Variants in HHIP observed in about 807,000 individuals in gnomAD.
HHIP encodes the protein hedgehog interacting protein, also known as hedgehog-interacting protein.
HHIP carries 12 observed loss-of-function variants against 74.0 expected under a neutral mutation model. The observed-to-expected ratio is 0.16, with a 90% CI of 0.10 to 0.26. The LOEUF (loss-of-function observed/expected upper bound fraction) is 0.26. HHIP is among the 10% of genes least tolerant of loss of function. HHIP has a pLI of 1.00. For missense variants in HHIP, 788 were observed against 845.0 expected, an observed-to-expected ratio of 0.93 and a Z score of 0.84; for synonymous variants, 309 against 311.6, an observed-to-expected ratio of 0.99 and a Z score of 0.09.
At position 144,715,434 on chromosome 4, in the gene HHIP, C is replaced by T; in HGVS notation, c.1678+4C>T. On this transcript the variant is annotated splice_donor_region_variant and intron_variant, in intron 10 of 12. Transcript: ENST00000296575. The stretch of plus-strand genomic sequence containing the variant: ...GGATTTGGAGAAGATGAACTAGGTA[C>T]TGTACAATCTAGTTCTGTTAAGTTT... 1.2e-6 allele frequency: 2 copies of T among 1,612,020 alleles called. No individual in the cohort carries two copies. The highest frequency in any genetic ancestry group is 1.3e-5 in the African/African-American group (1 of 74,950).
intron 4 of HHIP, among the ~76,000 whole-genome samples, chr4:144,674,599 A>T (rs1487738303): frequency 1.3e-5 from 2 of 149,580 alleles, no homozygotes; most frequent in Non-Finnish European, 3.0e-5. Context: ...TGCTGGAGTT[A>T]AAAAAAAACG....
chr4:144,714,180 T>G (rs777541861), intron 8 of HHIP, 45 bp from the exon 9 acceptor site: 7 of 1,564,282 alleles, frequency 4.5e-6, no homozygotes, highest in Non-Finnish European at 6.2e-6. Flanking sequence ...CCTTTTACTT[T>G]ATGAAAATAT....
intron 12 of HHIP, 36 bp from the exon 13 acceptor site, chr4:144,737,728 T>C (rs760122999): frequency 1.9e-6 from 3 of 1,542,558 alleles, no homozygotes; most frequent in Admixed American, 3.6e-5. Flanking sequence ...ACATACAGAA[T>C]GAGAGTGTGA....
intron 4 of HHIP, among the ~76,000 whole-genome samples, chr4:144,699,021 A>C (rs1729901823): frequency 6.6e-6 from 1 of 152,106 alleles, no homozygotes; most frequent in African/African-American, 2.4e-5. Flanking sequence ...TCTCACACCC[A>C]CCAGTCCTCC....
At chr4:144,670,707 GA>G (rs199920533) in intron 4 of HHIP, among the ~76,000 whole-genome samples, 2,908 of 30,308 alleles carry the variant, frequency 0.096, 125 homozygotes, top group African/African-American at 0.2. Flanking sequence ...ATTTCTTTAA[GA>G]AAAAAAAAAA....
rs201542452 is a variant in HHIP at position 144,646,896 on chromosome 4, C to T, written c.221C>T (p.Pro74Leu). 1.2e-5 allele frequency: 20 copies of T among 1,614,052 alleles called. No homozygotes were observed. The highest frequency in any genetic ancestry group is 1.7e-4 in the Middle Eastern group (1 of 6,060). Residue 74 changes from proline (P) to leucine (L), a missense_variant, in exon 1 of 13, where the codon CCT (proline) becomes CTT (leucine). By Grantham distance (98) the Pro-to-Leu change is moderately conservative (BLOSUM62 -3). Transcript: ENST00000296575. ...GAGATGCTGTGCGGTGGCTTCTACC[C>T]TCGGCTGTCCTGCTGCCTGCGGAGT... ...GGEMLCGGFY[P>L]RLSCCLRSDS...
At chr4:144,666,435 G>A (rs766098745) in intron 4 of HHIP, among the ~76,000 whole-genome samples, 6 of 152,084 alleles carry the variant, frequency 3.9e-5, no homozygotes, top group Non-Finnish European at 5.9e-5. Flanking sequence ...CACTTTTTAA[G>A]TCCTTACTTT....
chr4:144,716,432 G>A (rs533674592), intron 10 of HHIP, among the ~76,000 whole-genome samples: 13 of 152,234 alleles, frequency 8.5e-5, no homozygotes, highest in African/African-American at 3.1e-4. Context: ...AGCACTGAAA[G>A]CAATTTAAAA....
chr4:144,690,691 G>T (rs1729631675), intron 4 of HHIP, among the ~76,000 whole-genome samples: 1 of 152,078 alleles, frequency 6.6e-6, no homozygotes, highest in African/African-American at 2.4e-5. Context: ...AAATTATTTG[G>T]GCCTATTTTA....
chr4:144,688,406 A>G (rs1729545594), intron 4 of HHIP, among the ~76,000 whole-genome samples: 1 of 151,832 alleles, frequency 6.6e-6, no homozygotes, highest in Non-Finnish European at 1.5e-5. Context: ...TTTTTTTTGA[A>G]GTCCCAGGCA....
At chr4:144,718,687 G>A (rs1445175820) in intron 10 of HHIP, among the ~76,000 whole-genome samples, 188 bp from the exon 11 acceptor site, 2 of 152,170 alleles carry the variant, frequency 1.3e-5, no homozygotes, top group Non-Finnish European at 2.9e-5. Context: ...ATGGAAAGGA[G>A]TGACTGGAAT....
At chr4:144,729,097 G>T (rs1306724932) in intron 11 of HHIP, among the ~76,000 whole-genome samples, 1 of 152,062 alleles carries the variant, frequency 6.6e-6, no homozygotes, top group East Asian at 1.9e-4. Context: ...GCACTAAAAT[G>T]ATTAATAAAA....
chr4:144,697,068 G>A (rs1162842501), intron 4 of HHIP, among the ~76,000 whole-genome samples: 1 of 151,886 alleles, frequency 6.6e-6, no homozygotes, highest in African/African-American at 2.4e-5. Context: ...TGTTCAACAA[G>A]TCTTAAGCCT....
intron 1 of HHIP, among the ~76,000 whole-genome samples, chr4:144,647,445 G>C (rs184988501): frequency 1.3e-5 from 2 of 152,304 alleles, no homozygotes; most frequent in South Asian, 2.1e-4. Flanking sequence ...CCCGTCAGAG[G>C]GGGGTGTCTT....
At chr4:144,721,805 A>G (rs1051455632) in intron 11 of HHIP, among the ~76,000 whole-genome samples, 4 of 150,916 alleles carry the variant, frequency 2.7e-5, no homozygotes, top group Non-Finnish European at 5.9e-5. Context: ...CAGTAGGCTG[A>G]GGCAGGAGAA....
chr4:144,734,403 C>G (rs1030306310), intron 11 of HHIP, among the ~76,000 whole-genome samples: 1 of 152,024 alleles, frequency 6.6e-6, no homozygotes, highest in Non-Finnish European at 1.5e-5. Flanking sequence ...GATATTTATA[C>G]TACTTTACTT....
chr4:144,666,932 G>A (rs1728880163), intron 4 of HHIP, among the ~76,000 whole-genome samples: 1 of 152,202 alleles, frequency 6.6e-6, no homozygotes, highest in Admixed American at 6.5e-5. Context: ...ACATAAATGT[G>A]AAGTGCTTTG....
intron 4 of HHIP, among the ~76,000 whole-genome samples, chr4:144,695,757 C>T (rs1413650424): frequency 6.6e-6 from 1 of 151,750 alleles, no homozygotes; most frequent in Non-Finnish European, 1.5e-5. Flanking sequence ...TACATCAAGC[C>T]TTACAAATCA....
chr4:144,661,364 C>T (rs941940546), intron 4 of HHIP: 1 of 152,296 alleles, frequency 6.6e-6, no homozygotes, highest in African/African-American at 2.4e-5. Context: ...ATTTGGACCT[C>T]CTTTTCCAGA....
Sources: gnomAD v4.1 joint callset for allele counts (sites outside exome capture counted in the v4.1 genomes callset) on GRCh38, gnomAD v4.1.1 for gene constraint, MANE v1.5 for transcripts, NCBI Gene and HGNC (gene_info 2026-07-23, HGNC 2026-07-21) for gene names.